The following COL2A1 variants were observed in gnomAD, a reference collection of about 807,000 sequenced individuals.
COL2A1 encodes collagen type II alpha 1 chain.
COL2A1 carries 28 observed loss-of-function variants against 204.5 expected under a neutral mutation model. That is an observed-to-expected ratio of 0.14 (90% confidence interval 0.10 to 0.19). The LOEUF is 0.19. Among genes scored for constraint, COL2A1 ranks in the 10% least tolerant of loss-of-function variants. The pLI is 1.00. For synonymous variants in COL2A1, 708 were observed against 718.7 expected, an observed-to-expected ratio of 0.99 and a Z score of 0.24; for missense variants, 1,388 against 2,027.5, an observed-to-expected ratio of 0.68 and a Z score of 6.06.
Position 47,992,940 on chromosome 12 carries a change from C to A in COL2A1, c.970-9G>T, listed in dbSNP as rs2136605147. 6.2e-7 allele frequency: 1 copy of A among 1,614,116 alleles called. No homozygotes were observed. The highest frequency in any genetic ancestry group is 1.1e-5 in the South Asian group (1 of 91,084). On this transcript the variant is annotated splice_polypyrimidine_tract_variant and intron_variant, in intron 15 of 53. Transcript: ENST00000380518. ...GGCAGGCCACGAGGACCCTGGAACA[C>A]ACACCAGGACAGCCTAAGCATGAGT...
chr12:47,983,511 G>A (rs1296980126), intron 30 of COL2A1, 73 bp from the exon 31 acceptor site: 8 of 1,527,578 alleles, frequency 5.2e-6, no homozygotes, highest in East Asian at 2.3e-5. Context: ...GCACAGTATA[G>A]GGCAGACCCA....
At position 47,980,772 on chromosome 12, in the gene COL2A1, A is replaced by G. The variant is rs1018185284; in HGVS notation, c.2518-111T>C. ...TCTGCGTGTGTGTCCTGGTCTGGACATGATGGTTCTATTAGTATGGAGGCG... is the reference window on the plus strand; with the variant it reads ...TCTGCGTGTGTGTCCTGGTCTGGACGTGATGGTTCTATTAGTATGGAGGCG... On this transcript the variant is annotated intron_variant, in intron 38 of 53. Transcript: ENST00000380518. This position sits in a 1 kb window ranked among gnomAD's most constrained non-coding sequence, Gnocchi z 4.5. 13 of 1,398,310 alleles carry G rather than the reference A, an allele frequency of 9.3e-6. No homozygotes were observed. Among genetic ancestry groups the G allele is most frequent in the African/African-American group, 5.7e-5 (4 of 69,872 alleles). 86.6% of individuals were successfully genotyped at this position (1,398,310 alleles called of 1,614,324 possible).
Position 47,978,178 on chromosome 12 carries a change from C to CT in COL2A1, c.3004-62dup. The stretch of plus-strand genomic sequence containing the variant: ...GGTAAGCACCCCTGCCCAGGGCCCA[C>CT]TGACCCTTCAGGGAGAGGGCAGACA... On this transcript the variant is annotated intron_variant, in intron 43 of 53. Coordinates refer to ENST00000380518, the MANE Select transcript of COL2A1 (RefSeq NM_001844.5). The surrounding 1 kb of genome is among the most constrained non-coding windows in gnomAD (Gnocchi z 5.5). 6.3e-7 allele frequency: 1 copy of CT among 1,582,984 alleles called. No individual in the cohort carries two copies. The highest frequency in any genetic ancestry group is 8.6e-7 in the Non-Finnish European group (1 of 1,158,338).
At position 47,974,242 on chromosome 12, in the gene COL2A1, G is replaced by C; in HGVS notation, c.4164C>G (p.Asn1388Lys). 1 of 1,614,252 alleles carries C rather than the reference G, an allele frequency of 6.2e-7. No homozygotes were observed. Among genetic ancestry groups the C allele is most frequent in the Non-Finnish European group, 8.5e-7 (1 of 1,180,042 alleles). ...TGCTGTTCTTGCAGTGGTAGGTGAT[G>C]TTCTGGGAGCCTTCCGTGGACAGCA... Reference protein sequence around the residue: ...LRLLSTEGSQNITYHCKNSIA... With the variant: ...LRLLSTEGSQKITYHCKNSIA... Residue 1388 changes from asparagine to lysine, a missense_variant, in exon 53 of 54, where the codon AAC becomes AAG. Physicochemically the swap from Asn to Lys is moderately conservative, Grantham distance 94. Coordinates refer to ENST00000380518, the MANE Select transcript of COL2A1 (RefSeq NM_001844.5).
intron 9 of COL2A1, 24 bp from the exon 10 acceptor site, chr12:47,995,787 A>G: frequency 6.2e-7 from 1 of 1,613,684 alleles, no homozygotes; most frequent in Non-Finnish European, 8.5e-7. Flanking sequence ...TGAGGATACC[A>G]GGTCAATCCC....
In COL2A1 at chr12:47,987,389, C is replaced by CTGG; in HGVS notation, c.1222-77_1222-76insCCA. ...CCTCCAGCCCTCCAGGATCCAGATC[C>CTGG]AGGGACCTGGCATAGGTGCTGTCCA... On this transcript the variant is annotated intron_variant, in intron 19 of 53. Coordinates refer to ENST00000380518, the MANE Select transcript of COL2A1 (RefSeq NM_001844.5). The surrounding 1 kb of genome is among the most constrained non-coding windows in gnomAD (Gnocchi z 4.1). 6.6e-7 allele frequency: 1 copy of CTGG among 1,515,622 alleles called. No homozygotes were observed. Among genetic ancestry groups the CTGG allele is most frequent in the Non-Finnish European group, 9.1e-7 (1 of 1,095,172 alleles). The allele number at this position is 1,515,622 out of a possible 1,614,324, so 93.9% of individuals were successfully genotyped here.
At chr12:47,999,865 G>T in intron 2 of COL2A1, 54 bp downstream of exon 2, 1 of 1,482,282 alleles carries the variant, frequency 6.7e-7, no homozygotes, top group East Asian at 2.3e-5. Flanking sequence ...GAGCGTGTTT[G>T]CAGTGCTTGC....
intron 2 of COL2A1, chr12:47,999,653 TGTAGAATCACATCTGTCC>T: frequency 5.6e-6 from 1 of 179,328 alleles, no homozygotes; most frequent in Non-Finnish European, 1.2e-5. Flanking sequence ...TTTTTTTTTT[TGTAGAATCACATCTGTCC>T]TTCATGTGTC....
In COL2A1 at chr12:47,978,746, G is replaced by T. The variant is rs748669015; in HGVS notation, c.2746C>A (p.Pro916Thr). 1 of 1,613,034 alleles carries T rather than the reference G, an allele frequency of 6.2e-7. No individual in the cohort carries two copies. The highest frequency in any genetic ancestry group is 1.3e-5 in the African/African-American group (1 of 75,018). Reference sequence around the variant, plus strand: ...CCAGAAGGACCAGGGGGACCAGGGGGTCCAGGGTTGCCCTAGAAGGAGAAA... The same window carrying T: ...CCAGAAGGACCAGGGGGACCAGGGGTTCCAGGGTTGCCCTAGAAGGAGAAA... ...GPPGSNGNPG[P>T]PGPPGPSGKD... The change falls in exon 42 of 54, where the codon CCC becomes ACC. Residue 916 changes from proline to threonine, a missense_variant. Pro to Thr is a conservative substitution (Grantham distance 38). Transcript: ENST00000380518. This position sits in a 1 kb window ranked among gnomAD's most constrained non-coding sequence, Gnocchi z 5.5.
chr12:47,988,033 CGTG>C (rs1278941597), intron 18 of COL2A1, among the ~76,000 whole-genome samples: 1 of 152,196 alleles, frequency 6.6e-6, no homozygotes, highest in African/African-American at 2.4e-5. Context: ...ATCAGAAAAG[CGTG>C]GGCTGGGGAC....
intron 18 of COL2A1, chr12:47,988,553 A>G (rs1939547190): frequency 6.4e-6 from 1 of 157,106 alleles, no homozygotes; most frequent in African/African-American, 2.4e-5. Context: ...GGTCTCCTTC[A>G]CCCGGCTCCG....
Position 47,974,669 on chromosome 12 carries a change from A to C in COL2A1, c.4074+6T>G. On this transcript the variant is annotated splice_donor_region_variant and intron_variant, in intron 52 of 53. Coordinates refer to ENST00000380518, the MANE Select transcript of COL2A1 (RefSeq NM_001844.5). Reference sequence around the variant, plus strand: ...TGCTCATCATCTAGGGCACCCAGGTACTCACATGGAAGCCACCATTGATGG... The same window carrying C: ...TGCTCATCATCTAGGGCACCCAGGTCCTCACATGGAAGCCACCATTGATGG... 6.2e-7 allele frequency: 1 copy of C among 1,613,900 alleles called. No individual in the cohort carries two copies.
Position 48,004,361 on chromosome 12 carries a change from G to A in COL2A1, c.-40C>T, listed in dbSNP as rs1010208713. 2.4e-5 allele frequency: 33 copies of A among 1,352,554 alleles called. No homozygotes were observed. The African/African-American group carries it at 3.2e-4, about 13-fold the overall frequency. The allele number at this position is 1,352,554 out of a possible 1,614,324, so 83.8% of individuals were successfully genotyped here. A position where few individuals can be genotyped will look rare whatever the true frequency, so the allele number is the denominator to read the frequency against. On this transcript the variant is annotated 5_prime_UTR_variant, in exon 1 of 54. Transcript: ENST00000380518. ...CCTGGCTGAGCCGGGCCCGGGCGGA[G>A]CGCAGCGAAACGGCAGGAGCACGGC...
At position 47,980,161 on chromosome 12, in the gene COL2A1, T is replaced by C. The variant is rs1198934023; in HGVS notation, c.2626-99A>G. On this transcript the variant is annotated intron_variant, in intron 39 of 53. Coordinates refer to ENST00000380518, the MANE Select transcript of COL2A1 (RefSeq NM_001844.5). The surrounding 1 kb of genome is among the most constrained non-coding windows in gnomAD (Gnocchi z 4.5). ...AATGGACCCCTGAGGTTTTCGAAGA[T>C]GCAGCTTTCTTGGCACTAAAAACCC... 1 of 1,140,668 alleles carries C rather than the reference T, an allele frequency of 8.8e-7. No individual in the cohort carries two copies. Among genetic ancestry groups the C allele is most frequent in the East Asian group, 2.6e-5 (1 of 39,022 alleles). 70.7% of individuals were successfully genotyped at this position (1,140,668 alleles called of 1,614,324 possible). A position where few individuals can be genotyped will look rare whatever the true frequency, so the allele number is the denominator to read the frequency against.
In COL2A1 at chr12:47,993,475, C is replaced by T. The variant is rs121912894; in HGVS notation, c.952G>A (p.Gly318Arg). 1.9e-6 allele frequency: 3 copies of T among 1,613,710 alleles called. No homozygotes were observed. Among genetic ancestry groups the T allele is most frequent in the Non-Finnish European group, 2.5e-6 (3 of 1,179,600 alleles). ...KGESGSPGENGSPGPMGPRGL... is the reference protein window; with the variant it reads ...KGESGSPGENRSPGPMGPRGL... Reference sequence around the variant, plus strand: ...ATACTTACCATTGGGCCCGGAGATCCGTTCTCACCCGGGGAACCACTCTCA... The same window carrying T: ...ATACTTACCATTGGGCCCGGAGATCTGTTCTCACCCGGGGAACCACTCTCA... Residue 318 changes from glycine to arginine, a missense_variant, in exon 15 of 54, where the codon GGA becomes AGA. This residue lies in a region of COL2A1 where 884 missense variants were observed against 1,415.8 expected (regional missense o/e 0.62). Coordinates refer to ENST00000380518, the MANE Select transcript of COL2A1 (RefSeq NM_001844.5).
chr12:47,983,310 T>C, intron 31 of COL2A1, 75 bp downstream of exon 31: 6 of 1,549,704 alleles, frequency 3.9e-6, no homozygotes, highest in Non-Finnish European at 2.7e-6. Context: ...CATGCCCTCT[T>C]GCCCTTGCCT....
intron 37 of COL2A1, among the ~76,000 whole-genome samples, 175 bp from the exon 38 acceptor site, chr12:47,981,143 C>A (rs960857007): frequency 6.6e-6 from 1 of 152,216 alleles, no homozygotes; most frequent in African/African-American, 2.4e-5. Context: ...AGCCCTCACC[C>A]TGAACACATG....
intron 51 of COL2A1, 58 bp from the exon 52 acceptor site, chr12:47,974,920 T>G: frequency 6.4e-7 from 1 of 1,554,650 alleles, no homozygotes; most frequent in South Asian, 1.2e-5. Flanking sequence ...CACAAAAGCT[T>G]GAGAGACCCA....
chr12:47,981,405 G>T lies in COL2A1; in HGVS notation c.2410-9C>A. 6.2e-7 allele frequency: 1 copy of T among 1,608,774 alleles called. No homozygotes were observed. Among genetic ancestry groups the T allele is most frequent in the Non-Finnish European group, 8.5e-7 (1 of 1,178,030 alleles). On this transcript the variant is annotated splice_polypyrimidine_tract_variant and intron_variant, in intron 36 of 53. Transcript: ENST00000380518. ...GGAGGTCCAACTTCTCCCTGAGGGT[G>T]GGGAAGGGAGGAAGAGCTGGGGTAA...
Sources: gnomAD v4.1 joint callset for allele counts (sites outside exome capture counted in the v4.1 genomes callset) on GRCh38, gnomAD v4.1.1 for gene constraint, gnomAD v4.1.1 regional missense constraint, Gnocchi (gnomAD v3.1) non-coding constraint, MANE v1.5 for transcripts, NCBI Gene and HGNC (gene_info 2026-07-23, HGNC 2026-07-21) for gene names.